Variants in ELSPBP1 observed in about 807,000 individuals in gnomAD.
ELSPBP1 encodes the protein epididymal sperm-binding protein 1.
A neutral mutation model predicts 33.3 loss-of-function variants in ELSPBP1; 38 were observed. The ratio of observed to expected loss-of-function variants is 1.14; its 90% CI spans 0.88 to 1.50. ELSPBP1 has a LOEUF of 1.50. Ranked by LOEUF, ELSPBP1 falls within the 40% of genes most tolerant of loss-of-function variation. The pLI, the probability that ELSPBP1 is intolerant of heterozygous loss-of-function variation, is 0.00. For synonymous variants in ELSPBP1, 85 were observed against 94.1 expected, an observed-to-expected ratio of 0.90 and a Z score of 0.56; for missense variants, 267 against 263.5, an observed-to-expected ratio of 1.01 and a Z score of -0.09.
At chr19:48,023,192 AG>A (rs1967221529) in intron 6 of ELSPBP1, among the ~76,000 whole-genome samples, 1 of 122,638 alleles carries the variant, frequency 8.2e-6, no homozygotes. Context: ...GAAAGAACGG[AG>A]GGGAAAGGAA....
intron 2 of ELSPBP1, among the ~76,000 whole-genome samples, chr19:48,013,730 G>A (rs1438536781): frequency 2.1e-5 from 3 of 146,198 alleles, no homozygotes; most frequent in Non-Finnish European, 4.5e-5. Context: ...AAAAAAAAAA[G>A]TAAATAAAAT....
rs183804677 is a variant in ELSPBP1, at chr19:48,011,542, A to G, written c.71-2629A>G. On this transcript the variant is annotated intron_variant, in intron 2 of 6. Coordinates refer to ENST00000339841, the MANE Select transcript of ELSPBP1 (RefSeq NM_022142.5). The surrounding 1 kb of genome is among the most constrained non-coding windows in gnomAD (Gnocchi z 4.5). ...ATGATGACAATGACTGATAATGATG[A>G]CAATGATGATGATGACAATGATGAT... 7.2e-5 allele frequency among the ~76,000 whole-genome samples: 11 copies of G among 152,046 alleles called. No homozygotes were observed. Among genetic ancestry groups the G allele is most frequent in the African/African-American group, 1.2e-4 (5 of 41,472 alleles).
intron 1 of ELSPBP1, among the ~76,000 whole-genome samples, chr19:48,004,009 T>C (rs539406048): frequency 6.6e-6 from 1 of 151,426 alleles, no homozygotes; most frequent in South Asian, 2.1e-4. Flanking sequence ...AGTGGTATGA[T>C]CTCGGCTCAC....
chr19:48,019,896 T>A lies in ELSPBP1; in HGVS notation c.514+19T>A, dbSNP rs1340099109. 6.2e-7 allele frequency: 1 copy of A among 1,609,734 alleles called. No individual in the cohort carries two copies. Among genetic ancestry groups the A allele is most frequent in the Non-Finnish European group, 8.5e-7 (1 of 1,177,746 alleles). On this transcript the variant is annotated intron_variant, in intron 5 of 6. Transcript: ENST00000339841. ...GACACCAGTAATCTGGGGATGGGGG[T>A]TGGGTGGGTGTGGGTGGAGTCTTTC...
intron 1 of ELSPBP1, among the ~76,000 whole-genome samples, chr19:48,007,090 G>T (rs1316048922): frequency 6.6e-6 from 1 of 152,096 alleles, no homozygotes; most frequent in African/African-American, 2.4e-5. Flanking sequence ...GCCTTCCCGA[G>T]CTATCCTGAC....
In ELSPBP1 at chr19:48,011,331, CTGAT is replaced by C. The variant is rs1568405856; in HGVS notation, c.70+2595_70+2598del. 1.4e-5 allele frequency among the ~76,000 whole-genome samples: 2 copies of C among 147,654 alleles called. No homozygotes were observed. Among genetic ancestry groups the C allele is most frequent in the Admixed American group, 1.3e-4 (2 of 14,888 alleles). On this transcript the variant is annotated intron_variant, in intron 2 of 6. Coordinates refer to ENST00000339841, the MANE Select transcript of ELSPBP1 (RefSeq NM_022142.5). This position sits in a 1 kb window ranked among gnomAD's most constrained non-coding sequence, Gnocchi z 4.5. ...AGGTTGATAATGATGGTGACAATGACTGATGATGATGACAATTATGACGATGATG... is the reference window on the plus strand; with the variant it reads ...AGGTTGATAATGATGGTGACAATGACGATGATGACAATTATGACGATGATG...
intron 1 of ELSPBP1, among the ~76,000 whole-genome samples, chr19:47,996,390 TG>T (rs550776307): frequency 1.8e-3 from 272 of 152,254 alleles, no homozygotes; most frequent in Non-Finnish European, 3.3e-3. Context: ...GATTGATGGA[TG>T]GATGATAAGA....
chr19:48,010,237 GT>G (rs1341753887), intron 2 of ELSPBP1, among the ~76,000 whole-genome samples: 1 of 152,174 alleles, frequency 6.6e-6, no homozygotes, highest in African/African-American at 2.4e-5. Flanking sequence ...ATTCCTGAAA[GT>G]TTAGGAACTC....
chr19:48,019,647 T>G, intron 4 of ELSPBP1, 72 bp from the exon 5 acceptor site: 1 of 1,471,412 alleles, frequency 6.8e-7, no homozygotes, highest in East Asian at 2.3e-5. Context: ...CGTGGCACAG[T>G]TTGTGTGTCA....
At position 48,014,210 on chromosome 19, in the gene ELSPBP1, G is replaced by A; in HGVS notation, c.110G>A (p.Gly37Glu). The part of the protein sequence containing the change: ...EECVFPFTYK[G>E]SVYFTCTHIH... Reference sequence around the variant, plus strand: ...TGTGTCTTTCCTTTCACCTACAAGGGATCTGTTTACTTCACTTGCACCCAT... The same window carrying A: ...TGTGTCTTTCCTTTCACCTACAAGGAATCTGTTTACTTCACTTGCACCCAT... Residue 37 changes from glycine to glutamate, a missense_variant, in exon 3 of 7, where the codon GGA becomes GAA. Gly to Glu is a moderately conservative substitution (Grantham distance 98). Coordinates refer to ENST00000339841, the MANE Select transcript of ELSPBP1 (RefSeq NM_022142.5). The A allele has an allele frequency of 6.2e-7, 1 of 1,613,906 alleles. No homozygotes were observed. The highest frequency in any genetic ancestry group is 8.5e-7 in the Non-Finnish European group (1 of 1,179,946).
chr19:48,016,552 CTTCCTTCCTTCCTTCCTCCCTTCA>C (rs1568407541), intron 4 of ELSPBP1, among the ~76,000 whole-genome samples: 1 of 112,016 alleles, frequency 8.9e-6, no homozygotes, highest in African/African-American at 3.2e-5. Context: ...TCCTTCCTTC[CTTCCTTCCTTCCTTCCTCCCTTCA>C]TCTCTCTCTT....
At chr19:48,000,371 G>C (rs942308608) in intron 1 of ELSPBP1, among the ~76,000 whole-genome samples, 2 of 152,002 alleles carry the variant, frequency 1.3e-5, no homozygotes, top group Non-Finnish European at 2.9e-5. Context: ...CTCCTGAGTA[G>C]CTGGGATTAC....
rs191310469 is a variant in ELSPBP1 at position 47,994,739 on chromosome 19, C to A, written c.-90C>A. The A allele has an allele frequency of 3.3e-5, 5 of 152,372 alleles. No individual in the cohort carries two copies. Among genetic ancestry groups the A allele is most frequent in the Admixed American group, 1.3e-4 (2 of 15,310 alleles). The allele number at this position is 152,372 out of a possible 1,614,324, so 9.4% of individuals were successfully genotyped here. A position where few individuals can be genotyped will look rare whatever the true frequency, so the allele number is the denominator to read the frequency against. On this transcript the variant is annotated 5_prime_UTR_variant, in exon 1 of 7. Coordinates refer to ENST00000339841, the MANE Select transcript of ELSPBP1 (RefSeq NM_022142.5). Reference sequence around the variant, plus strand: ...GCCATTCAACCAATCCCCAGATAATCCAGAGCTCTTGGGAGCAGAACCTTA... The same window carrying A: ...GCCATTCAACCAATCCCCAGATAATACAGAGCTCTTGGGAGCAGAACCTTA...
At position 48,019,802 on chromosome 19, in the gene ELSPBP1, GAAAGCA is replaced by G; in HGVS notation, c.441_446del (p.Glu147_Asn149delinsAsp). On this transcript the variant is annotated inframe_deletion, in exon 5 of 7. Transcript: ENST00000339841. ...TGTGGTCTCTGATTGCATGGAGGAT[GAAAGCA>G]ACAAGCTCTGGTGCCCAACCACAGA... 6.2e-7 allele frequency: 1 copy of G among 1,611,462 alleles called. No homozygotes were observed. The highest frequency in any genetic ancestry group is 1.1e-5 in the South Asian group (1 of 91,036).
At position 48,019,729 on chromosome 19, in the gene ELSPBP1, A is replaced by C; in HGVS notation, c.366A>C (p.Gly122=). ...WKFCETNEYG[G]NSLRKPCIFP... ...CATAATCCTTTTCAGAGTATGGGGGAAATTCTCTCAGGAAGCCCTGCATCT... is the reference window on the plus strand; with the variant it reads ...CATAATCCTTTTCAGAGTATGGGGGCAATTCTCTCAGGAAGCCCTGCATCT... The change falls in exon 5 of 7, where the codon GGA becomes GGC. Residue 122 remains glycine, a synonymous_variant. Coordinates refer to ENST00000339841, the MANE Select transcript of ELSPBP1 (RefSeq NM_022142.5). The C allele has an allele frequency of 6.2e-7, 1 of 1,613,590 alleles. No homozygotes were observed. Among genetic ancestry groups the C allele is most frequent in the Non-Finnish European group, 8.5e-7 (1 of 1,179,830 alleles).
intron 1 of ELSPBP1, among the ~76,000 whole-genome samples, chr19:48,000,431 T>C (rs555953849): frequency 1.1e-4 from 16 of 151,694 alleles, no homozygotes; most frequent in Admixed American, 3.9e-4. Context: ...AGTAGAGACG[T>C]GGTTTCACTA....
rs188877655 is a variant in ELSPBP1, at chr19:48,022,154, C to T, written c.515-16C>T. On this transcript the variant is annotated splice_polypyrimidine_tract_variant and intron_variant, in intron 5 of 6. Transcript: ENST00000339841. ...CCTGAGGAGTAACCTTTGTTTTATC[C>T]CCTTCTGCTTCCTAGGAATTTCCGC... is the stretch of plus-strand genomic sequence containing the variant. 10,134 of 1,604,606 alleles carry T rather than the reference C, an allele frequency of 6.3e-3. 91 individuals carry two copies. The highest frequency in any genetic ancestry group is 5.9e-3 in the Non-Finnish European group (6,898 of 1,175,416).
chr19:48,016,536 C>A (rs1490715097), intron 4 of ELSPBP1, among the ~76,000 whole-genome samples: 10 of 107,310 alleles, frequency 9.3e-5, no homozygotes, highest in Non-Finnish European at 2.0e-4. Context: ...TTCTTCCTTC[C>A]TTCCTTCCTT....
Position 48,014,047 on chromosome 19 carries a change from T to C in ELSPBP1, c.71-124T>C, listed in dbSNP as rs141459418. 3.7e-4 allele frequency: 420 copies of C among 1,142,804 alleles called. 2 individuals carry two copies. The African/African-American group carries it at 5.3e-3, about 15-fold the overall frequency. The allele number at this position is 1,142,804 out of a possible 1,614,324, so 70.8% of individuals were successfully genotyped here. A position where few individuals can be genotyped will look rare whatever the true frequency, so the allele number is the denominator to read the frequency against. On this transcript the variant is annotated intron_variant, in intron 2 of 6. Coordinates refer to ENST00000339841, the MANE Select transcript of ELSPBP1 (RefSeq NM_022142.5). ...GGGGGTTAGGATTTTAACATATGAA[T>C]TTTGCGGCGGGGGCAGGGAGGGAAC... is the stretch of plus-strand genomic sequence containing the variant.
Sources: gnomAD v4.1 joint callset for allele counts (sites outside exome capture counted in the v4.1 genomes callset) on GRCh38, gnomAD v4.1.1 for gene constraint, Gnocchi (gnomAD v3.1) non-coding constraint, MANE v1.5 for transcripts, NCBI Gene and HGNC (gene_info 2026-07-23, HGNC 2026-07-21) for gene names.